The following OSBPL3 variants were observed in gnomAD, a reference collection of about 807,000 sequenced individuals.
OSBPL3 encodes oxysterol binding protein like 3, also known as oxysterol-binding protein-related protein 3.
A neutral mutation model predicts 120.1 loss-of-function variants in OSBPL3; 65 were observed. That is an observed-to-expected ratio of 0.54 (90% CI 0.44 to 0.67). The LOEUF (loss-of-function observed/expected upper bound fraction) is 0.67, where lower values mean the gene tolerates loss of function less well. Ranked by LOEUF, OSBPL3 falls within the 30% of genes least tolerant of loss-of-function variation. The pLI is 0.00. For synonymous variants in OSBPL3, 416 were observed against 402.6 expected, an observed-to-expected ratio of 1.03 and a Z score of -0.40; for missense variants, 1,004 against 1,082.1, an observed-to-expected ratio of 0.93 and a Z score of 1.01.
At chr7:24,878,256 G>A (rs1803119508) in intron 2 of OSBPL3, among the ~76,000 whole-genome samples, 1 of 152,218 alleles carries the variant, frequency 6.6e-6, no homozygotes. Flanking sequence ...AGTGATGTCA[G>A]AAATAGAAAA....
At chr7:24,859,154 C>T (rs1258868172) in intron 10 of OSBPL3, among the ~76,000 whole-genome samples, 1 of 152,000 alleles carries the variant, frequency 6.6e-6, no homozygotes, top group Non-Finnish European at 1.5e-5. Context: ...TTATAACCCA[C>T]CTCATATCCA....
rs923338676 is a variant in OSBPL3 at position 24,959,958 on chromosome 7, A to G, written c.-150+19928T>C. 6.6e-6 allele frequency among the ~76,000 whole-genome samples: 1 copy of G among 152,238 alleles called. No individual in the cohort carries two copies. The highest frequency in any genetic ancestry group is 1.5e-5 in the Non-Finnish European group (1 of 68,036). ...AAGAATAAAGTGAGGTGACCAACAG[A>G]GATCAGCTACTGAGAGTAGGCAAAG... is the stretch of plus-strand genomic sequence containing the variant. On this transcript the variant is annotated intron_variant, in intron 1 of 22. Coordinates refer to ENST00000313367, the MANE Select transcript of OSBPL3 (RefSeq NM_015550.4). The surrounding 1 kb of genome is among the most constrained non-coding windows in gnomAD (Gnocchi z 4.3).
rs2128339823 is a variant in OSBPL3 at position 24,891,689 on chromosome 7, G to A, written c.96+688C>T. Among the ~76,000 whole-genome samples the A allele has an allele frequency of 6.6e-6, 1 of 152,270 alleles. No individual in the cohort carries two copies. The highest frequency in any genetic ancestry group is 1.9e-4 in the East Asian group (1 of 5,194). Reference sequence around the variant, plus strand: ...AAAACCAGCAAATTCTGCCAACAAAGATTTATTAGAAAGGAAACCAAGAAA... The same window carrying A: ...AAAACCAGCAAATTCTGCCAACAAAAATTTATTAGAAAGGAAACCAAGAAA... On this transcript the variant is annotated intron_variant, in intron 2 of 22. Coordinates refer to ENST00000313367, the MANE Select transcript of OSBPL3 (RefSeq NM_015550.4). The surrounding 1 kb of genome is among the most constrained non-coding windows in gnomAD (Gnocchi z 4.1).
Position 24,967,068 on chromosome 7 carries a change from T to A in OSBPL3, c.-150+12818A>T, listed in dbSNP as rs1056439912. Among the ~76,000 whole-genome samples the A allele has an allele frequency of 2.6e-5, 4 of 152,168 alleles. No homozygotes were observed. The highest frequency in any genetic ancestry group is 6.5e-5 in the Admixed American group (1 of 15,284). On this transcript the variant is annotated intron_variant, in intron 1 of 22. Coordinates refer to ENST00000313367, the MANE Select transcript of OSBPL3 (RefSeq NM_015550.4). The surrounding 1 kb of genome is among the most constrained non-coding windows in gnomAD (Gnocchi z 5.6). The stretch of plus-strand genomic sequence containing the variant: ...CATCACAATGCCTGTTTGCAGACAC[T>A]CTAAATCTGTATTCACAGGTCATCT...
At chr7:24,847,288 T>C (rs1798571933) in intron 12 of OSBPL3, among the ~76,000 whole-genome samples, 1 of 152,138 alleles carries the variant, frequency 6.6e-6, no homozygotes, top group South Asian at 2.1e-4. Context: ...AAGGCAACAA[T>C]AACTTTACCT....
chr7:24,863,546 T>C lies in OSBPL3; in HGVS notation c.727A>G (p.Met243Val), dbSNP rs775139667. Residue 243 changes from methionine (M) to valine (V), a missense_variant, in exon 8 of 23, where the codon ATG becomes GTG. This residue lies in a region of OSBPL3 where 272 missense variants were observed against 248.8 expected (regional missense o/e 1.09). Coordinates refer to ENST00000313367, the MANE Select transcript of OSBPL3 (RefSeq NM_015550.4). The surrounding 1 kb of genome is among the most constrained non-coding windows in gnomAD (Gnocchi z 5.8). The part of the protein sequence containing the change: ...LVEMSQLLQS[M>V]DVLHRTYSAP... ...GAGTATGTCCGATGCAGGACGTCCA[T>C]GCTTTGCAGGAGCTGGCTCATTTCT... 18 of 1,614,094 alleles carry C rather than the reference T, an allele frequency of 1.1e-5. No individual in the cohort carries two copies. The highest frequency in any genetic ancestry group is 2.2e-5 in the East Asian group (1 of 44,874).
intron 1 of OSBPL3, among the ~76,000 whole-genome samples, chr7:24,944,729 T>C (rs186953537): frequency 2.1e-4 from 32 of 152,346 alleles, no homozygotes; most frequent in African/African-American, 7.2e-4. Flanking sequence ...TTCTTCTGTA[T>C]GTGCTATTTT....
intron 1 of OSBPL3, among the ~76,000 whole-genome samples, chr7:24,915,031 A>T (rs1809346344): frequency 2.0e-5 from 3 of 152,354 alleles, no homozygotes; most frequent in African/African-American, 4.8e-5. Flanking sequence ...TTGGTAGATG[A>T]AAGTATTTGC....
rs1425482765 is a variant in OSBPL3 at position 24,833,485 on chromosome 7, GT to G, written c.1746+1000del. 6.6e-6 allele frequency among the ~76,000 whole-genome samples: 1 copy of G among 152,236 alleles called. No homozygotes were observed. The highest frequency in any genetic ancestry group is 2.4e-5 in the African/African-American group (1 of 41,456). ...ATCTTCAAATCATTGAAGTAATGAT[GT>G]TTTAATGAGCGCTAGAACTGCAGAA... On this transcript the variant is annotated intron_variant, in intron 15 of 22. Coordinates refer to ENST00000313367, the MANE Select transcript of OSBPL3 (RefSeq NM_015550.4). This position sits in a 1 kb window ranked among gnomAD's most constrained non-coding sequence, Gnocchi z 4.4.
rs1794413815 is a variant in OSBPL3, at chr7:24,815,952, T to A, written c.2027+658A>T. Among the ~76,000 whole-genome samples the A allele has an allele frequency of 6.6e-6, 1 of 152,166 alleles. No homozygotes were observed. Among genetic ancestry groups the A allele is most frequent in the Non-Finnish European group, 1.5e-5 (1 of 68,020 alleles). On this transcript the variant is annotated intron_variant, in intron 18 of 22. Transcript: ENST00000313367. The surrounding 1 kb of genome is among the most constrained non-coding windows in gnomAD (Gnocchi z 5.1). ...TTGCTTTATAAATAAGTATCAATCA[T>A]CCCTATCAGATCAAGGCCATACTTT...
In OSBPL3 at chr7:24,900,756, T is replaced by G. The variant is rs1162913452; in HGVS notation, c.-149-8135A>C. On this transcript the variant is annotated intron_variant, in intron 1 of 22. Coordinates refer to ENST00000313367, the MANE Select transcript of OSBPL3 (RefSeq NM_015550.4). The surrounding 1 kb of genome is among the most constrained non-coding windows in gnomAD (Gnocchi z 4.5). ...GCCAAGGTAGGTGGATCGCTTGAGCTCACGAGTTCAAGACCAGCCTGGGCA... is the reference window on the plus strand; with the variant it reads ...GCCAAGGTAGGTGGATCGCTTGAGCGCACGAGTTCAAGACCAGCCTGGGCA... 1.3e-5 allele frequency among the ~76,000 whole-genome samples: 2 copies of G among 151,678 alleles called. No individual in the cohort carries two copies. Among genetic ancestry groups the G allele is most frequent in the Non-Finnish European group, 2.9e-5 (2 of 67,926 alleles).
chr7:24,924,020 T>C (rs1406079870), intron 1 of OSBPL3, among the ~76,000 whole-genome samples: 1 of 152,242 alleles, frequency 6.6e-6, no homozygotes, highest in Non-Finnish European at 1.5e-5. Flanking sequence ...GGAAACCTAC[T>C]TGGCTATCAC....
rs1803677812 is a variant in OSBPL3, at chr7:24,881,513, A to G, written c.97-9444T>C. Among the ~76,000 whole-genome samples, 1 of 152,218 alleles carries G rather than the reference A, an allele frequency of 6.6e-6. No individual in the cohort carries two copies. Among genetic ancestry groups the G allele is most frequent in the East Asian group, 1.9e-4 (1 of 5,196 alleles). On this transcript the variant is annotated intron_variant, in intron 2 of 22. Coordinates refer to ENST00000313367, the MANE Select transcript of OSBPL3 (RefSeq NM_015550.4). This position sits in a 1 kb window ranked among gnomAD's most constrained non-coding sequence, Gnocchi z 4.3. ...AAGCTAACATACATTACAAATGTTAATAAAAGGGATACCACAAGGTTGAAA... is the reference window on the plus strand; with the variant it reads ...AAGCTAACATACATTACAAATGTTAGTAAAAGGGATACCACAAGGTTGAAA...
chr7:24,883,119 C>G lies in OSBPL3; in HGVS notation c.96+9258G>C, dbSNP rs1208480337. Among the ~76,000 whole-genome samples the G allele has an allele frequency of 2.0e-5, 3 of 152,138 alleles. No individual in the cohort carries two copies. The highest frequency in any genetic ancestry group is 7.2e-5 in the African/African-American group (3 of 41,410). ...TCTTTTTATGATTCAGCTCACTACA[C>G]AGGGCCCCAGGGACCACGGGGCCAA... On this transcript the variant is annotated intron_variant, in intron 2 of 22. Coordinates refer to ENST00000313367, the MANE Select transcript of OSBPL3 (RefSeq NM_015550.4). This position sits in a 1 kb window ranked among gnomAD's most constrained non-coding sequence, Gnocchi z 5.4.
intron 4 of OSBPL3, 34 bp from the exon 5 acceptor site, chr7:24,870,879 AT>A: frequency 7.3e-7 from 1 of 1,366,478 alleles, no homozygotes; most frequent in South Asian, 1.2e-5. Flanking sequence ...CTTGGGGACC[AT>A]GGTGTTAGAA....
At chr7:24,931,803 C>T (rs1313027772) in intron 1 of OSBPL3, among the ~76,000 whole-genome samples, 1 of 151,846 alleles carries the variant, frequency 6.6e-6, no homozygotes, top group Non-Finnish European at 1.5e-5. Flanking sequence ...AAGTATGAAA[C>T]AGCATGTGAA....
chr7:24,873,657 A>T lies in OSBPL3; in HGVS notation c.97-1588T>A, dbSNP rs955820468. On this transcript the variant is annotated intron_variant, in intron 2 of 22. Transcript: ENST00000313367. This position sits in a 1 kb window ranked among gnomAD's most constrained non-coding sequence, Gnocchi z 4.1. ...CTTCATAACAAAATTATTACCAATT[A>T]TTCCAAGTCACTTAATTACACTCAG... Among the ~76,000 whole-genome samples, 4 of 152,312 alleles carry T rather than the reference A, an allele frequency of 2.6e-5. No individual in the cohort carries two copies. In the East Asian group the frequency reaches 7.7e-4, roughly 29 times the overall value.
Position 24,947,311 on chromosome 7 carries a change from A to G in OSBPL3, c.-150+32575T>C, listed in dbSNP as rs1280295805. 2.6e-5 allele frequency among the ~76,000 whole-genome samples: 4 copies of G among 152,244 alleles called. No homozygotes were observed. Among genetic ancestry groups the G allele is most frequent in the Non-Finnish European group, 5.9e-5 (4 of 68,048 alleles). The stretch of plus-strand genomic sequence containing the variant: ...CCTCCTGCCAAAAATGTATTAACAT[A>G]GAAAAAAAGACAGCTAGGAAATTCT... On this transcript the variant is annotated intron_variant, in intron 1 of 22. Coordinates refer to ENST00000313367, the MANE Select transcript of OSBPL3 (RefSeq NM_015550.4). This position sits in a 1 kb window ranked among gnomAD's most constrained non-coding sequence, Gnocchi z 4.4.
Position 24,863,494 on chromosome 7 carries a change from A to G in OSBPL3, c.777+2T>C. On this transcript the variant is annotated splice_donor_variant, in intron 8 of 22. Coordinates refer to ENST00000313367, the MANE Select transcript of OSBPL3 (RefSeq NM_015550.4). LOFTEE classifies it high-confidence loss of function. The surrounding 1 kb of genome is among the most constrained non-coding windows in gnomAD (Gnocchi z 5.8). ...TGTCAACAGAAGAGGAGTCCGGCTC[A>G]CCTGGATGGCGTTGATAGCTGGTGC... is the stretch of plus-strand genomic sequence containing the variant. 1 of 1,609,878 alleles carries G rather than the reference A, an allele frequency of 6.2e-7. No individual in the cohort carries two copies. The highest frequency in any genetic ancestry group is 8.5e-7 in the Non-Finnish European group (1 of 1,176,110).
Sources: allele counts gnomAD v4.1 joint callset (sites outside exome capture counted in the v4.1 genomes callset), GRCh38; gene constraint gnomAD v4.1.1; regional missense constraint gnomAD v4.1.1; non-coding constraint Gnocchi (gnomAD v3.1); transcripts MANE v1.5; gene names NCBI Gene and HGNC (gene_info 2026-07-23, HGNC 2026-07-21).